Variants in KIFAP3 observed in about 807,000 individuals in gnomAD.
The protein encoded by KIFAP3 is kinesin-associated protein 3.
KIFAP3 carries 68 observed loss-of-function variants against 106.5 expected under a neutral mutation model. That is an observed-to-expected ratio of 0.64 (90% confidence interval 0.53 to 0.78). The LOEUF (loss-of-function observed/expected upper bound fraction) is 0.78, where lower values mean the gene tolerates loss of function less well. Among genes scored for constraint, KIFAP3 ranks in the 30% least tolerant of loss-of-function variants. KIFAP3 has a pLI of 0.00. For synonymous variants in KIFAP3, 320 were observed against 311.5 expected (o/e 1.03, Z -0.29); for missense variants, 780 against 941.8 (o/e 0.83, Z 2.25).
chr1:169,980,645 A>T (rs1346517514), intron 15 of KIFAP3, among the ~76,000 whole-genome samples: 1 of 152,224 alleles, frequency 6.6e-6, no homozygotes, highest in African/African-American at 2.4e-5. Context: ...GAACATTTTC[A>T]TCAACTAAGA....
chr1:169,992,645 T>C (rs1258269485), intron 10 of KIFAP3, among the ~76,000 whole-genome samples: 1 of 152,114 alleles, frequency 6.6e-6, no homozygotes, highest in African/African-American at 2.4e-5. Context: ...TAAAAAAGCA[T>C]CTTTCTACAA....
intron 10 of KIFAP3, among the ~76,000 whole-genome samples, chr1:170,003,967 T>C (rs1191408393): frequency 6.6e-6 from 1 of 152,072 alleles, no homozygotes; most frequent in East Asian, 1.9e-4. Flanking sequence ...AACCCCATTG[T>C]CTCAGCCCAA....
At chr1:169,936,499 A>G (rs1231351063) in intron 19 of KIFAP3, among the ~76,000 whole-genome samples, 2 of 151,900 alleles carry the variant, frequency 1.3e-5, no homozygotes, top group African/African-American at 4.8e-5. Flanking sequence ...TCAGACCATC[A>G]AAGTACGATG....
At chr1:170,037,810 G>T (rs1181260967) in intron 5 of KIFAP3, among the ~76,000 whole-genome samples, 1 of 151,932 alleles carries the variant, frequency 6.6e-6, no homozygotes, top group Non-Finnish European at 1.5e-5. Flanking sequence ...ATTCTATAGT[G>T]GTGTTATTGA....
chr1:169,989,217 T>G (rs1026758479), intron 11 of KIFAP3, among the ~76,000 whole-genome samples: 2 of 152,154 alleles, frequency 1.3e-5, no homozygotes, highest in Admixed American at 1.3e-4. Flanking sequence ...ATTCTTTCAT[T>G]TAAAATAAAA....
intron 15 of KIFAP3, among the ~76,000 whole-genome samples, chr1:169,978,788 C>CTTA (rs1666360673): frequency 6.6e-6 from 1 of 152,038 alleles, no homozygotes; most frequent in Non-Finnish European, 1.5e-5. Flanking sequence ...GCTATCAACT[C>CTTA]TTGGTAAAAG....
intron 18 of KIFAP3, among the ~76,000 whole-genome samples, chr1:169,957,442 C>T (rs754839977): frequency 2.6e-5 from 4 of 152,134 alleles, no homozygotes; most frequent in Non-Finnish European, 5.9e-5. Flanking sequence ...TATACTAGAA[C>T]AGTGATGAAA....
Position 170,035,574 on chromosome 1 carries a change from C to T in KIFAP3, c.518-21G>A, listed in dbSNP as rs74987888. 175 of 1,454,512 alleles carry T rather than the reference C, an allele frequency of 1.2e-4. 1 individual carries two copies. In the African/African-American group the frequency reaches 1.6e-3, roughly 13 times the overall value. The allele number at this position is 1,454,512 out of a possible 1,614,324, so 90.1% of individuals were successfully genotyped here. On this transcript the variant is annotated intron_variant, in intron 5 of 19. Coordinates refer to ENST00000361580, the MANE Select transcript of KIFAP3 (RefSeq NM_014970.4). The stretch of plus-strand genomic sequence containing the variant: ...AGTTTCTAAAGAAAAAGGAGAGGTA[C>T]CGAAACGATCATTCTCCTTGCTCTG...
intron 5 of KIFAP3, 131 bp downstream of exon 5, chr1:170,038,159 C>T (rs940129937): frequency 1.4e-6 from 1 of 706,942 alleles, no homozygotes; most frequent in Non-Finnish European, 2.2e-6. Flanking sequence ...TATTTAAATG[C>T]TACACTCTCA....
rs765814798 is a variant in KIFAP3 at position 169,984,584 on chromosome 1, T to G, written c.1391A>C (p.Glu464Ala). ...ANKRNVQLIC[E>A]GNGLKMLMKR... The stretch of plus-strand genomic sequence containing the variant: ...TACCTACACTCAAAGGCACTGACCT[T>G]CACAGATAAGCTGTACATTTCTTTT... The change falls in exon 12 of 20, where the codon GAA becomes GCA. Residue 464 changes from glutamate (E) to alanine (A), a missense_variant and splice_region_variant. By Grantham distance (107) the Glu-to-Ala change is moderately radical. This residue lies in a region of KIFAP3 where 588 missense variants were observed against 678.9 expected (regional missense o/e 0.87). Transcript: ENST00000361580. The G allele has an allele frequency of 3.2e-6, 5 of 1,569,532 alleles. No homozygotes were observed. Among genetic ancestry groups the G allele is most frequent in the Non-Finnish European group, 4.4e-6 (5 of 1,143,464 alleles).
intron 19 of KIFAP3, among the ~76,000 whole-genome samples, chr1:169,930,657 G>GA (rs1384582126): frequency 7.2e-5 from 11 of 152,138 alleles, no homozygotes; most frequent in Admixed American, 2.0e-4. Context: ...CAACTGATGA[G>GA]AAAAAATTGA....
chr1:170,004,084 C>G (rs888361298), intron 10 of KIFAP3, among the ~76,000 whole-genome samples: 7 of 152,168 alleles, frequency 4.6e-5, no homozygotes, highest in Non-Finnish European at 7.4e-5. Flanking sequence ...AGAGCCAAAT[C>G]ATGAGTGAAC....
intron 19 of KIFAP3, among the ~76,000 whole-genome samples, chr1:169,940,183 A>G (rs910554404): frequency 6.6e-6 from 1 of 152,194 alleles, no homozygotes; most frequent in Admixed American, 6.5e-5. Flanking sequence ...TAGTTTATTG[A>G]TTGAGTGGTG....
intron 1 of KIFAP3, among the ~76,000 whole-genome samples, chr1:170,060,228 T>A (rs1671068297): frequency 1.3e-5 from 2 of 152,322 alleles, no homozygotes. Context: ...AAATTGTCCC[T>A]GTTTGCAGAT....
intron 10 of KIFAP3, among the ~76,000 whole-genome samples, chr1:169,994,393 T>C (rs505336): frequency 0.94 from 142,560 of 152,142 alleles, 66,875 homozygotes; most frequent in East Asian, 1. Flanking sequence ...AGTAAGACAT[T>C]ATCAGGTATA....
chr1:170,027,843 C>T (rs896612799), intron 8 of KIFAP3, among the ~76,000 whole-genome samples: 2 of 151,846 alleles, frequency 1.3e-5, no homozygotes, highest in Admixed American at 1.3e-4. Flanking sequence ...AAAAAAATTA[C>T]ACCAAGGCCC....
At chr1:170,028,132 A>G (rs1184099842) in intron 8 of KIFAP3, among the ~76,000 whole-genome samples, 2 of 152,110 alleles carry the variant, frequency 1.3e-5, no homozygotes, top group Non-Finnish European at 2.9e-5. Context: ...ACTGGTAAAT[A>G]TGTCCTACAA....
intron 1 of KIFAP3, among the ~76,000 whole-genome samples, chr1:170,067,091 G>C (rs913168607): frequency 2.7e-4 from 41 of 151,990 alleles, no homozygotes; most frequent in African/African-American, 9.7e-4. Flanking sequence ...TAGCAGATTA[G>C]ATACGGGTAA....
chr1:170,069,394 C>G (rs571760474), intron 1 of KIFAP3, among the ~76,000 whole-genome samples: 120 of 152,192 alleles, frequency 7.9e-4, no homozygotes, highest in African/African-American at 2.7e-3. Context: ...CAAAGCAAGA[C>G]AAAGACACTA....
Sources: allele counts gnomAD v4.1 joint callset (sites outside exome capture counted in the v4.1 genomes callset), GRCh38; gene constraint gnomAD v4.1.1; regional missense constraint gnomAD v4.1.1; transcripts MANE v1.5; gene names NCBI Gene and HGNC (gene_info 2026-07-23, HGNC 2026-07-21).